CLDN10: variants seen among roughly 807,000 people sequenced by gnomAD.
CLDN10 encodes claudin-10.
In CLDN10, 15 loss-of-function variants were observed where a neutral mutation model predicts 22.9. The ratio of observed to expected loss-of-function variants is 0.65; its 90% CI spans 0.44 to 1.01. The LOEUF is 1.01. Among genes scored for constraint, CLDN10 ranks in the 50% least tolerant of loss-of-function variants. The probability of loss-of-function intolerance (pLI) is 0.00; values close to 1 mark genes in which losing one functional copy is unlikely to be tolerated. For missense variants in CLDN10, 247 were observed against 287.8 expected (o/e 0.86, Z 1.03); for synonymous variants, 114 against 111.4 (o/e 1.02, Z -0.15).
intron 1 of CLDN10, among the ~76,000 whole-genome samples, chr13:95,446,039 G>GA (rs1397588816): frequency 1.3e-5 from 2 of 151,790 alleles, no homozygotes; most frequent in Non-Finnish European, 2.9e-5. Context: ...GGAAGAAATG[G>GA]AAAAAAAATA....
chr13:95,522,106 A>C (rs998820778), intron 1 of CLDN10, among the ~76,000 whole-genome samples: 2 of 151,972 alleles, frequency 1.3e-5, no homozygotes, highest in Non-Finnish European at 2.9e-5. Flanking sequence ...TCTTCAAAGA[A>C]ACAACTTTTA....
At chr13:95,516,152 G>A (rs1432380063) in intron 1 of CLDN10, among the ~76,000 whole-genome samples, 4 of 151,910 alleles carry the variant, frequency 2.6e-5, no homozygotes, top group African/African-American at 9.7e-5. Flanking sequence ...GTAAATAATT[G>A]CTATGAATAC....
In CLDN10 at chr13:95,560,261, C is replaced by G. The variant is rs369800452; in HGVS notation, c.350C>G (p.Ala117Gly). The G allele has an allele frequency of 3.0e-5, 48 of 1,614,050 alleles. 1 individual carries two copies. The highest frequency in any genetic ancestry group is 8.8e-5 in the South Asian group (8 of 91,084). The change falls in exon 2 of 5, where the codon GCT (alanine) becomes GGT (glycine). Residue 117 changes from alanine (A) to glycine (G), a missense_variant. Physicochemically the swap from Ala to Gly is moderately conservative, Grantham distance 60. Transcript: ENST00000299339. ...TCCGATAAAGCCAAAGCTAAAATTG[C>G]TTGTTTGGCTGGGATTGTATTCATA... ...GGSDKAKAKI[A>G]CLAGIVFILS...
intron 1 of CLDN10, among the ~76,000 whole-genome samples, chr13:95,435,048 C>G (rs1018816403): frequency 6.6e-6 from 1 of 152,150 alleles, no homozygotes; most frequent in South Asian, 2.1e-4. Flanking sequence ...AAGCTTTCAT[C>G]GTTGTGCATA....
At chr13:95,469,674 T>G (rs1418522958) in intron 1 of CLDN10, among the ~76,000 whole-genome samples, 1 of 152,210 alleles carries the variant, frequency 6.6e-6, no homozygotes, top group Non-Finnish European at 1.5e-5. Flanking sequence ...CTTGCTCTCC[T>G]TGTGTAAATG....
At chr13:95,477,978 T>G (rs750713663) in intron 1 of CLDN10, among the ~76,000 whole-genome samples, 1 of 152,180 alleles carries the variant, frequency 6.6e-6, no homozygotes, top group African/African-American at 2.4e-5. Flanking sequence ...GTTCTCAAAA[T>G]TGGCTGCAAA....
intron 1 of CLDN10, among the ~76,000 whole-genome samples, chr13:95,470,943 C>T (rs111967411): frequency 0.016 from 2,404 of 152,192 alleles, 74 homozygotes; most frequent in African/African-American, 0.055. Context: ...TACTGCGGGC[C>T]CGGCTCTGAG....
Position 95,472,683 on chromosome 13 carries a change from A to G in CLDN10, c.214+38636A>G, listed in dbSNP as rs979557017. Among the ~76,000 whole-genome samples, 93 of 152,086 alleles carry G rather than the reference A, an allele frequency of 6.1e-4. 1 individual carries two copies. Among genetic ancestry groups the G allele is most frequent in the Admixed American group, 1.2e-3 (19 of 15,280 alleles). On this transcript the variant is annotated intron_variant, in intron 1 of 4. Coordinates refer to the CLDN10 transcript ENST00000376873. ...AGACTCCGTCTCAAAAAAAAAAAAA[A>G]AAATAGAGTGGGATACTTGTCACTA...
At chr13:95,574,653 C>A (rs1009027401) in intron 3 of CLDN10, among the ~76,000 whole-genome samples, 1 of 151,970 alleles carries the variant, frequency 6.6e-6, no homozygotes, top group Middle Eastern at 3.2e-3. Context: ...ACCTGTAATC[C>A]CAGCTACTCG....
At chr13:95,483,692 G>A (rs1413079842) in intron 1 of CLDN10, among the ~76,000 whole-genome samples, 1 of 152,204 alleles carries the variant, frequency 6.6e-6, no homozygotes, top group African/African-American at 2.4e-5. Flanking sequence ...CTCACCAAGA[G>A]CTCTGGAGTT....
chr13:95,532,733 A>C (rs1026408685), intron 1 of CLDN10, among the ~76,000 whole-genome samples: 14 of 145,872 alleles, frequency 9.6e-5, no homozygotes, highest in African/African-American at 3.5e-4. Context: ...TCACATGTTA[A>C]TCTGCAGAAA....
chr13:95,505,404 A>G (rs1366763731), intron 1 of CLDN10, among the ~76,000 whole-genome samples: 1 of 152,240 alleles, frequency 6.6e-6, no homozygotes, highest in Non-Finnish European at 1.5e-5. Flanking sequence ...TACAATGGGC[A>G]CATGGGGACT....
At chr13:95,494,725 C>T (rs534402233) in intron 1 of CLDN10, among the ~76,000 whole-genome samples, 1 of 152,276 alleles carries the variant, frequency 6.6e-6, no homozygotes, top group African/African-American at 2.4e-5. Flanking sequence ...TCCCAAACTT[C>T]CTCTAGCGTG....
intron 1 of CLDN10, among the ~76,000 whole-genome samples, chr13:95,441,908 T>C (rs1290207475): frequency 1.3e-5 from 2 of 152,138 alleles, no homozygotes; most frequent in Admixed American, 1.3e-4. Context: ...TCCTAGCACT[T>C]TGGGAGACAA....
rs1258660579 is a variant in CLDN10 at position 95,447,202 on chromosome 13, A to G, written c.214+13155A>G. On this transcript the variant is annotated intron_variant, in intron 1 of 4. Transcript: ENST00000376873. ...GAAAATGGAAGACAATTTTCTTCTT[A>G]TCTTACTACGGCCATATGTTCTCCT... 2.6e-5 allele frequency among the ~76,000 whole-genome samples: 4 copies of G among 152,186 alleles called. No individual in the cohort carries two copies. In the South Asian group the frequency reaches 8.3e-4, roughly 32 times the overall value.
chr13:95,565,467 C>G (rs980281503), intron 3 of CLDN10, among the ~76,000 whole-genome samples: 2 of 152,098 alleles, frequency 1.3e-5, no homozygotes, highest in Admixed American at 6.5e-5. Flanking sequence ...GTGTTGGGGT[C>G]TTATCATCCT....
chr13:95,442,097 G>C (rs950094820), intron 1 of CLDN10, among the ~76,000 whole-genome samples: 1 of 152,200 alleles, frequency 6.6e-6, no homozygotes, highest in African/African-American at 2.4e-5. Flanking sequence ...GCTGCAGTGA[G>C]CTGTGATTGA....
intron 1 of CLDN10, among the ~76,000 whole-genome samples, chr13:95,435,737 C>G (rs185493250): frequency 6.4e-4 from 98 of 152,188 alleles, no homozygotes; most frequent in Non-Finnish European, 1.2e-3. Context: ...CCTCTTGGCC[C>G]TTTTTCACCT....
chr13:95,514,531 C>T (rs1425034155), intron 1 of CLDN10, among the ~76,000 whole-genome samples: 1 of 151,860 alleles, frequency 6.6e-6, no homozygotes, highest in African/African-American at 2.4e-5. Context: ...TTAAACAGAC[C>T]CCAAGGTTTG....
Sources: allele counts gnomAD v4.1 joint callset (sites outside exome capture counted in the v4.1 genomes callset), GRCh38; gene constraint gnomAD v4.1.1; transcripts MANE v1.5; gene names NCBI Gene and HGNC (gene_info 2026-07-23, HGNC 2026-07-21).